Variants in PTPRD observed in about 807,000 individuals in gnomAD.
PTPRD encodes receptor-type tyrosine-protein phosphatase delta.
Under a neutral mutation model 214.5 loss-of-function variants are expected in PTPRD, and 34 were observed. That is an observed-to-expected ratio of 0.16 (90% confidence interval 0.12 to 0.21). The LOEUF is 0.21. PTPRD is among the 10% of genes least tolerant of loss of function. The probability of loss-of-function intolerance (pLI) is 1.00; values close to 1 mark genes in which losing one functional copy is unlikely to be tolerated. For synonymous variants in PTPRD, 1,128 were observed against 845.7 expected (o/e 1.33, Z -5.79); for missense variants, 2,545 against 2,398.7 (o/e 1.06, Z -1.27).
chr9:8,936,354 G>T (rs1290991114), intron 11 of PTPRD, among the ~76,000 whole-genome samples: 2 of 139,546 alleles, frequency 1.4e-5, no homozygotes, highest in African/African-American at 5.2e-5. Flanking sequence ...AGCCTGGGAG[G>T]CAGAGGTTGC....
intron 8 of PTPRD, among the ~76,000 whole-genome samples, chr9:9,488,186 C>T (rs1416481501): frequency 6.6e-6 from 1 of 152,058 alleles, no homozygotes; most frequent in Non-Finnish European, 1.5e-5. Context: ...TATGTATTTC[C>T]TTACACTATT....
intron 12 of PTPRD, among the ~76,000 whole-genome samples, chr9:8,685,201 C>T (rs188840943): frequency 1.3e-5 from 2 of 151,076 alleles, no homozygotes; most frequent in East Asian, 3.9e-4. Context: ...TGAAAGGAAC[C>T]ATCTTTCAAA....
chr9:10,587,343 G>A (rs1255825930), intron 2 of PTPRD, among the ~76,000 whole-genome samples: 1 of 152,020 alleles, frequency 6.6e-6, no homozygotes, highest in African/African-American at 2.4e-5. Context: ...CAAGTTCAAT[G>A]GACCTGATAA....
At chr9:9,707,892 A>C (rs1415381900) in intron 7 of PTPRD, among the ~76,000 whole-genome samples, 1 of 151,462 alleles carries the variant, frequency 6.6e-6, no homozygotes, top group African/African-American at 2.4e-5. Flanking sequence ...CTGTTAGAGT[A>C]CTCATTATTT....
intron 2 of PTPRD, among the ~76,000 whole-genome samples, chr9:10,385,460 TGA>T (rs1359868049): frequency 1.3e-5 from 2 of 151,844 alleles, no homozygotes; most frequent in Non-Finnish European, 2.9e-5. Flanking sequence ...ATCTATATAC[TGA>T]GAGACCAATA....
chr9:10,524,693 T>C (rs190226976), intron 2 of PTPRD, among the ~76,000 whole-genome samples: 2 of 152,192 alleles, frequency 1.3e-5, no homozygotes, highest in East Asian at 3.9e-4. Flanking sequence ...ATTTTTCAGT[T>C]AAGAGGAGTG....
intron 14 of PTPRD, among the ~76,000 whole-genome samples, chr9:8,581,746 C>G (rs2093136048): frequency 1.4e-5 from 2 of 143,120 alleles, no homozygotes; most frequent in Non-Finnish European, 3.0e-5. Context: ...GACTCCATCT[C>G]TAAATAAATA....
chr9:8,426,159 C>T (rs542517830), intron 35 of PTPRD, among the ~76,000 whole-genome samples: 7 of 152,164 alleles, frequency 4.6e-5, no homozygotes, highest in Non-Finnish European at 1.0e-4. Flanking sequence ...GTTGACCAAG[C>T]GCAGAGGGCA....
At chr9:8,802,317 C>A (rs1391558586) in intron 11 of PTPRD, among the ~76,000 whole-genome samples, 2 of 152,122 alleles carry the variant, frequency 1.3e-5, no homozygotes, top group African/African-American at 2.4e-5. Flanking sequence ...CTACTTCAGA[C>A]ACCATGTATC....
chr9:8,403,636 T>C (rs1008402957), intron 36 of PTPRD, among the ~76,000 whole-genome samples: 4 of 152,198 alleles, frequency 2.6e-5, no homozygotes, highest in Admixed American at 2.0e-4. Context: ...TGAAGCTGGA[T>C]AGAGTTGAGG....
At chr9:8,471,290 G>C (rs1247178990) in intron 30 of PTPRD, among the ~76,000 whole-genome samples, 2 of 152,064 alleles carry the variant, frequency 1.3e-5, no homozygotes, top group African/African-American at 2.4e-5. Flanking sequence ...TGATTGCAGT[G>C]ATCTTGTATG....
intron 14 of PTPRD, among the ~76,000 whole-genome samples, chr9:8,550,209 T>A (rs1419007285): frequency 6.6e-6 from 1 of 152,174 alleles, no homozygotes; most frequent in East Asian, 1.9e-4. Context: ...GCCTTTTAAA[T>A]AGGCCTACAT....
At chr9:10,536,679 G>T (rs374268381) in intron 2 of PTPRD, among the ~76,000 whole-genome samples, 1 of 152,036 alleles carries the variant, frequency 6.6e-6, no homozygotes, top group Admixed American at 6.6e-5. Context: ...CCTGTTCCTG[G>T]TTAACACAGA....
chr9:8,666,540 G>T (rs1480730832), intron 12 of PTPRD, among the ~76,000 whole-genome samples: 1 of 152,146 alleles, frequency 6.6e-6, no homozygotes, highest in East Asian at 1.9e-4. Flanking sequence ...CAATAAAATT[G>T]AAGCCAAATA....
At chr9:8,803,302 A>G (rs1447882904) in intron 11 of PTPRD, among the ~76,000 whole-genome samples, 1 of 152,120 alleles carries the variant, frequency 6.6e-6, no homozygotes. Flanking sequence ...AATAATGTAT[A>G]CCATAATTAT....
intron 10 of PTPRD, among the ~76,000 whole-genome samples, chr9:9,140,404 A>G (rs2099858132): frequency 6.6e-6 from 1 of 152,094 alleles, no homozygotes; most frequent in African/African-American, 2.4e-5. Flanking sequence ...ACACCAAATC[A>G]AATAGAGAGA....
intron 10 of PTPRD, among the ~76,000 whole-genome samples, chr9:9,022,868 G>A (rs1010989880): frequency 1.3e-5 from 2 of 152,056 alleles, no homozygotes; most frequent in African/African-American, 4.8e-5. Flanking sequence ...CAGAAACAGA[G>A]CAAACAATAT....
intron 9 of PTPRD, among the ~76,000 whole-genome samples, chr9:9,342,280 G>A (rs2047096655): frequency 6.6e-6 from 1 of 152,088 alleles, no homozygotes; most frequent in South Asian, 2.1e-4. Context: ...TTTTCATGTA[G>A]TATTTCCCTG....
intron 3 of PTPRD, among the ~76,000 whole-genome samples, chr9:10,086,403 T>A (rs1016048972): frequency 6.6e-6 from 1 of 151,670 alleles, no homozygotes; most frequent in African/African-American, 2.4e-5. Context: ...TGAAGGAAAA[T>A]TTCCCATAAT....
Sources: gnomAD v4.1 joint callset for allele counts (sites outside exome capture counted in the v4.1 genomes callset) on GRCh38, gnomAD v4.1.1 for gene constraint, MANE v1.5 for transcripts, NCBI Gene and HGNC (gene_info 2026-07-23, HGNC 2026-07-21) for gene names.